ARMC9: variants seen among roughly 807,000 people sequenced by gnomAD.
The protein encoded by ARMC9 is lisH domain-containing protein ARMC9.
In ARMC9, 94 loss-of-function variants were observed where a neutral mutation model predicts 107.0. The observed-to-expected ratio is 0.88, with a 90% CI of 0.74 to 1.04. ARMC9 has a LOEUF of 1.04. Among genes scored for constraint, ARMC9 ranks in the 50% least tolerant of loss-of-function variants. The pLI, the probability that ARMC9 is intolerant of heterozygous loss-of-function variation, is 0.00. For synonymous variants in ARMC9, 380 were observed against 396.9 expected, an observed-to-expected ratio of 0.96 and a Z score of 0.51; for missense variants, 942 against 1,030.1, an observed-to-expected ratio of 0.91 and a Z score of 1.17.
At chr2:231,345,404 G>A (rs1017504194) in intron 21 of ARMC9, among the ~76,000 whole-genome samples, 4 of 152,184 alleles carry the variant, frequency 2.6e-5, no homozygotes, top group African/African-American at 9.7e-5. Flanking sequence ...GACTCCTGTC[G>A]TGCCTTTTCT....
chr2:231,225,097 A>G (rs1224156121), intron 6 of ARMC9, among the ~76,000 whole-genome samples: 1 of 152,262 alleles, frequency 6.6e-6, no homozygotes, highest in South Asian at 2.1e-4. Flanking sequence ...TGATTATAAA[A>G]TCAACTATAT....
At chr2:231,261,827 C>CTTTTT (rs776868487) in intron 11 of ARMC9, among the ~76,000 whole-genome samples, 1 of 145,026 alleles carries the variant, frequency 6.9e-6, no homozygotes, top group Non-Finnish European at 1.5e-5. Context: ...ATCACAGGTT[C>CTTTTT]TTTTTTTTTT....
intron 9 of ARMC9, among the ~76,000 whole-genome samples, chr2:231,244,828 G>A (rs1387271372): frequency 6.6e-6 from 1 of 152,256 alleles, no homozygotes; most frequent in East Asian, 1.9e-4. Flanking sequence ...GAGTTGACAC[G>A]TCTTCTCTGG....
At chr2:231,215,703 C>T (rs913489154) in intron 4 of ARMC9, among the ~76,000 whole-genome samples, 4 of 152,156 alleles carry the variant, frequency 2.6e-5, no homozygotes, top group Non-Finnish European at 5.9e-5. Flanking sequence ...TGGCATTTGA[C>T]CCCGTGCATT....
At chr2:231,235,147 A>G (rs1275968729) in intron 7 of ARMC9, 77 bp from the exon 8 acceptor site, 1 of 1,434,594 alleles carries the variant, frequency 7.0e-7, no homozygotes. Flanking sequence ...TAAGTATGGT[A>G]GTTCTTTGAG....
At position 231,318,777 on chromosome 2, in the gene ARMC9, T is replaced by C. The variant is rs572230534; in HGVS notation, c.1774-13016T>C. ...CGTATCACATTTTGCACTTGATAAC[T>C]GTAGAGAGGAATTGCCTGACCTACT... On this transcript the variant is annotated intron_variant, in intron 19 of 24. Coordinates refer to ENST00000611582, the MANE Select transcript of ARMC9 (RefSeq NM_001352754.2). Among the ~76,000 whole-genome samples the C allele has an allele frequency of 8.5e-5, 13 of 152,332 alleles. No homozygotes were observed. The South Asian group carries it at 1.7e-3, about 19-fold the overall frequency.
intron 20 of ARMC9, among the ~76,000 whole-genome samples, chr2:231,335,244 C>G (rs1029901080): frequency 2.6e-5 from 4 of 152,168 alleles, no homozygotes; most frequent in African/African-American, 9.7e-5. Context: ...GAGAGCTAGT[C>G]CCAGACCACT....
At chr2:231,236,492 C>T (rs2035729778) in intron 8 of ARMC9, among the ~76,000 whole-genome samples, 1 of 152,162 alleles carries the variant, frequency 6.6e-6, no homozygotes, top group Admixed American at 6.5e-5. Context: ...TAGATTCACA[C>T]TGCAGTTATA....
rs552796506 is a variant in ARMC9 at position 231,207,398 on chromosome 2, G to A, written c.52-729G>A. Among the ~76,000 whole-genome samples, 32 of 151,876 alleles carry A rather than the reference G, an allele frequency of 2.1e-4. 1 individual carries two copies. The highest frequency in any genetic ancestry group is 7.2e-4 in the African/African-American group (30 of 41,434). On this transcript the variant is annotated intron_variant, in intron 2 of 24. Transcript: ENST00000611582. ...TGGTCTCAAAGTCCTAGGCTCAAGC[G>A]ATCCTCCTACCTCAGCCTCCCAAAG...
chr2:231,278,527 A>T, intron 16 of ARMC9, 69 bp downstream of exon 16: 1 of 1,383,110 alleles, frequency 7.2e-7, no homozygotes, highest in Non-Finnish European at 1.0e-6. Context: ...CTGTGACCCC[A>T]CAGGCACACA....
chr2:231,267,367 A>T (rs1574871774), intron 12 of ARMC9, among the ~76,000 whole-genome samples: 1 of 152,050 alleles, frequency 6.6e-6, no homozygotes, highest in Admixed American at 6.6e-5. Context: ...AGTGGCTGGG[A>T]CTACAGGTGC....
intron 17 of ARMC9, among the ~76,000 whole-genome samples, chr2:231,287,570 G>A (rs1042276768): frequency 3.3e-5 from 5 of 151,992 alleles, no homozygotes; most frequent in South Asian, 2.1e-4. Flanking sequence ...CCTTCCTTTC[G>A]ACGGGGTCTC....
In ARMC9 at chr2:231,274,140, T is replaced by TG. The variant is rs1327397877; in HGVS notation, c.1334+1064dup. 5.8e-4 allele frequency among the ~76,000 whole-genome samples: 88 copies of TG among 152,272 alleles called. 1 individual carries two copies. Among genetic ancestry groups the TG allele is most frequent in the African/African-American group, 2.0e-3 (82 of 41,540 alleles). On this transcript the variant is annotated intron_variant, in intron 14 of 24. Transcript: ENST00000611582. The stretch of plus-strand genomic sequence containing the variant: ...TCATATTGTTTGTTTGTTTTTGAGA[T>TG]GGAGTCTCACTCTGTCACCCAGACT...
chr2:231,315,268 G>A (rs1305097211), intron 19 of ARMC9, among the ~76,000 whole-genome samples: 3 of 144,716 alleles, frequency 2.1e-5, no homozygotes, highest in Non-Finnish European at 4.5e-5. Flanking sequence ...GCTGGACGCA[G>A]TAGCTCATGC....
At chr2:231,278,309 C>T (rs2039932037) in intron 15 of ARMC9, 73 bp from the exon 16 acceptor site, 1 of 1,490,198 alleles carries the variant, frequency 6.7e-7, no homozygotes, top group Admixed American at 1.7e-5. Flanking sequence ...GATTTGTCTC[C>T]AAGTCTACCT....
In ARMC9 at chr2:231,290,367, T is replaced by G. The variant is rs571231493; in HGVS notation, c.1627-986T>G. 2.6e-5 allele frequency among the ~76,000 whole-genome samples: 4 copies of G among 152,332 alleles called. No individual in the cohort carries two copies. The East Asian group carries it at 5.8e-4, about 22-fold the overall frequency. On this transcript the variant is annotated intron_variant, in intron 17 of 24. Coordinates refer to ENST00000611582, the MANE Select transcript of ARMC9 (RefSeq NM_001352754.2). The stretch of plus-strand genomic sequence containing the variant: ...TCAGTTAGAGCTATTGATTCCAAAC[T>G]GGCCTACATAAAAAGAGAACTTGTT...
chr2:231,280,612 A>G (rs759383967), intron 16 of ARMC9, among the ~76,000 whole-genome samples: 4 of 152,190 alleles, frequency 2.6e-5, no homozygotes, highest in Non-Finnish European at 5.9e-5. Context: ...CAAAACCAAA[A>G]TAAAGAAAAA....
At chr2:231,371,315 G>C (rs892019667) in intron 24 of ARMC9, among the ~76,000 whole-genome samples, 198 bp from the exon 25 acceptor site, 1 of 152,208 alleles carries the variant, frequency 6.6e-6, no homozygotes, top group East Asian at 1.9e-4. Context: ...AGCTGACTGA[G>C]TGACCCGCAC....
At chr2:231,208,386 T>C (rs1157371998) in intron 3 of ARMC9, 134 bp downstream of exon 3, 6 of 680,632 alleles carry the variant, frequency 8.8e-6, no homozygotes, top group Non-Finnish European at 1.3e-5. Context: ...CACAAGTGTT[T>C]ATAGATGAAC....
Sources: gnomAD v4.1 joint callset for allele counts (sites outside exome capture counted in the v4.1 genomes callset) on GRCh38, gnomAD v4.1.1 for gene constraint, MANE v1.5 for transcripts, NCBI Gene and HGNC (gene_info 2026-07-23, HGNC 2026-07-21) for gene names.